The following NIPBL variants were observed in gnomAD, a reference collection of about 807,000 sequenced individuals.
NIPBL encodes the protein NIPBL cohesin loading factor.
Under a neutral mutation model 321.8 loss-of-function variants are expected in NIPBL, and 19 were observed. The observed-to-expected ratio is 0.06, with a 90% confidence interval of 0.04 to 0.09. The LOEUF (loss-of-function observed/expected upper bound fraction) is 0.09. Among genes scored for constraint, NIPBL ranks in the 10% least tolerant of loss-of-function variants. NIPBL has a pLI of 1.00. For synonymous variants in NIPBL, 1,106 were observed against 1,114.1 expected, an observed-to-expected ratio of 0.99 and a Z score of 0.14; for missense variants, 2,210 against 3,327.0, an observed-to-expected ratio of 0.66 and a Z score of 8.26.
chr5:36,950,140 T>C (rs1473921371), intron 1 of NIPBL, among the ~76,000 whole-genome samples: 1 of 152,026 alleles, frequency 6.6e-6, no homozygotes, highest in East Asian at 1.9e-4. Flanking sequence ...TAATTGTAGG[T>C]GAGCAGGCCC....
chr5:36,963,544 G>A (rs1187166614), intron 6 of NIPBL, among the ~76,000 whole-genome samples: 1 of 151,930 alleles, frequency 6.6e-6, no homozygotes, highest in East Asian at 1.9e-4. Context: ...GTATGCACTT[G>A]TAATCCCAGC....
chr5:36,880,605 C>CA (rs1745430150), intron 1 of NIPBL, among the ~76,000 whole-genome samples: 1 of 151,976 alleles, frequency 6.6e-6, no homozygotes, highest in Non-Finnish European at 1.5e-5. Context: ...AGAAGGCTGA[C>CA]AACTAACTGT....
At chr5:36,886,231 C>T in intron 1 of NIPBL, 1 of 660,858 alleles carries the variant, frequency 1.5e-6, no homozygotes, top group East Asian at 2.9e-5. Context: ...CAGAATCCTG[C>T]TGCACCTGGA....
intron 10 of NIPBL, 68 bp from the exon 11 acceptor site, chr5:36,995,554 A>C: frequency 9.7e-7 from 1 of 1,025,868 alleles, no homozygotes; most frequent in Non-Finnish European, 1.5e-6. Context: ...TATTATGCTA[A>C]CTTAGTTAAA....
chr5:37,021,443 G>A (rs1171684253), intron 27 of NIPBL, among the ~76,000 whole-genome samples: 1 of 152,142 alleles, frequency 6.6e-6, no homozygotes, highest in Non-Finnish European at 1.5e-5. Flanking sequence ...AGCACTTTGG[G>A]AAGCCAAGGC....
intron 1 of NIPBL, among the ~76,000 whole-genome samples, chr5:36,903,467 A>G (rs1475352112): frequency 2.0e-5 from 3 of 152,110 alleles, no homozygotes; most frequent in African/African-American, 7.2e-5. Context: ...AGTAATACCT[A>G]TTATTTTCAT....
At chr5:37,013,169 G>A (rs987724824) in intron 21 of NIPBL, among the ~76,000 whole-genome samples, 11 of 148,950 alleles carry the variant, frequency 7.4e-5, no homozygotes, top group African/African-American at 2.7e-4. Context: ...CAGGCGGGGG[G>A]CTGACCCCCC....
chr5:36,907,898 A>T (rs1217087984), intron 1 of NIPBL, among the ~76,000 whole-genome samples: 1 of 152,228 alleles, frequency 6.6e-6, no homozygotes, highest in Non-Finnish European at 1.5e-5. Context: ...ACTGAAAAGA[A>T]TAAATCAAAT....
chr5:36,963,803 A>G (rs1230919303), intron 6 of NIPBL, among the ~76,000 whole-genome samples: 1 of 152,132 alleles, frequency 6.6e-6, no homozygotes, highest in Admixed American at 6.6e-5. Flanking sequence ...AAAGAAATAG[A>G]CACTTAGAAA....
chr5:37,026,188 T>C (rs1750242853), intron 30 of NIPBL, 41 bp from the exon 31 acceptor site: 2 of 1,178,300 alleles, frequency 1.7e-6, no homozygotes, highest in African/African-American at 1.5e-5. Context: ...AATTGCCGTA[T>C]TTGTTATAAT....
At chr5:36,970,129 C>G (rs1480370430) in intron 6 of NIPBL, among the ~76,000 whole-genome samples, 1 of 152,018 alleles carries the variant, frequency 6.6e-6, no homozygotes, top group Non-Finnish European at 1.5e-5. Flanking sequence ...TCACATCTAC[C>G]TGTAATCCCA....
rs1481572999 is a variant in NIPBL, at chr5:37,000,492, G to A, written c.3424G>A (p.Gly1142Ser). 6.2e-7 allele frequency: 1 copy of A among 1,613,532 alleles called. No homozygotes were observed. The highest frequency in any genetic ancestry group is 8.5e-7 in the Non-Finnish European group (1 of 1,179,588). ...GHSHEGRRSS[G>S]GGRYRNRSPS... is the part of the protein sequence containing the mutation. The stretch of plus-strand genomic sequence containing the variant: ...CTCTCATGAAGGAAGAAGGAGTTCA[G>A]GTGGTGGTCGTTATCGAAACCGAAG... The change falls in exon 12 of 47, where the codon GGT becomes AGT. Residue 1142 changes from glycine (G) to serine (S), a missense_variant. Coordinates refer to ENST00000282516, the MANE Select transcript of NIPBL (RefSeq NM_133433.4).
chr5:36,944,919 G>A (rs1326546192), intron 1 of NIPBL, among the ~76,000 whole-genome samples: 5 of 152,190 alleles, frequency 3.3e-5, no homozygotes, highest in Middle Eastern at 3.4e-3. Context: ...AGATCTTAAT[G>A]TTAAGTTCTT....
chr5:37,062,930 G>GA (rs879770490), intron 45 of NIPBL, among the ~76,000 whole-genome samples: 44 of 122,618 alleles, frequency 3.6e-4, no homozygotes, highest in Admixed American at 5.6e-4. Flanking sequence ...AATTTAAAAA[G>GA]AAAAAAAAAA....
chr5:36,985,200 A>G lies in NIPBL; in HGVS notation c.2020A>G (p.Asn674Asp). Residue 674 changes from asparagine (N) to aspartate (D), a missense_variant, in exon 10 of 47, where the codon AAT becomes GAT. By Grantham distance (23) the Asn-to-Asp change is conservative. Transcript: ENST00000282516. ...NESTIVEPKQNENRLSDTKPN... is the reference protein window; with the variant it reads ...NESTIVEPKQDENRLSDTKPN... ...GAGCACCATAGTTGAGCCTAAACAA[A>G]ATGAAAATAGACTGTCTGACACAAA... 6.2e-7 allele frequency: 1 copy of G among 1,613,906 alleles called. No individual in the cohort carries two copies. The highest frequency in any genetic ancestry group is 8.5e-7 in the Non-Finnish European group (1 of 1,179,938).
Position 36,985,292 on chromosome 5 carries a change from G to A in NIPBL, c.2112G>A (p.Lys704=), listed in dbSNP as rs1338273023. Reference sequence around the variant, plus strand: ...CAAAATCAAGGCCTGAAACCCCAAAGCAAAAGGGTGAAAGCCGGCCTGAGA... The same window carrying A: ...CAAAATCAAGGCCTGAAACCCCAAAACAAAAGGGTGAAAGCCGGCCTGAGA... ...ETTKSRPETP[K]QKGESRPETP... The change falls in exon 10 of 47, where the codon AAG becomes AAA. Residue 704 remains lysine (K), a synonymous_variant. Transcript: ENST00000282516. 1 of 1,613,580 alleles carries A rather than the reference G, an allele frequency of 6.2e-7. No individual in the cohort carries two copies.
intron 29 of NIPBL, among the ~76,000 whole-genome samples, chr5:37,023,190 A>G (rs1749850105): frequency 6.6e-6 from 1 of 152,224 alleles, no homozygotes; most frequent in African/African-American, 2.4e-5. Flanking sequence ...GTTGAGAAAC[A>G]AATAATTTAA....
chr5:36,970,361 A>G (rs1742710443), intron 6 of NIPBL, among the ~76,000 whole-genome samples: 1 of 151,542 alleles, frequency 6.6e-6, no homozygotes, highest in African/African-American at 2.4e-5. Flanking sequence ...ACTCCAGTCT[A>G]GGTAACAGAG....
chr5:36,965,235 G>A (rs1234162225), intron 6 of NIPBL, among the ~76,000 whole-genome samples: 2 of 152,062 alleles, frequency 1.3e-5, no homozygotes, highest in East Asian at 1.9e-4. Context: ...CATGTTTATT[G>A]CAGTACTATT....
Sources: gnomAD v4.1 joint callset for allele counts (sites outside exome capture counted in the v4.1 genomes callset) on GRCh38, gnomAD v4.1.1 for gene constraint, MANE v1.5 for transcripts, NCBI Gene and HGNC (gene_info 2026-07-23, HGNC 2026-07-21) for gene names.